Variants in NCKAP5 observed in about 807,000 individuals in gnomAD.
NCKAP5 encodes NCK associated protein 5.
NCKAP5 carries 92 observed loss-of-function variants against 167.0 expected under a neutral mutation model. The observed-to-expected ratio is 0.55, with a 90% CI of 0.47 to 0.66. NCKAP5 has a LOEUF of 0.66. NCKAP5 is among the 30% of genes least tolerant of loss of function. NCKAP5 has a pLI of 0.00. For synonymous variants in NCKAP5, 891 were observed against 877.4 expected (o/e 1.02, Z -0.27); for missense variants, 2,378 against 2,315.0 (o/e 1.03, Z -0.56).
At chr2:132,997,014 CT>C (rs1264426158) in intron 6 of NCKAP5, among the ~76,000 whole-genome samples, 1 of 152,222 alleles carries the variant, frequency 6.6e-6, no homozygotes. Context: ...TTGAAGAGAA[CT>C]GTGAAGAAAA....
At chr2:133,625,250 G>A in the NCKAP5 span, among the ~76,000 whole-genome samples, 76 of 152,312 alleles carry the variant, frequency 5.0e-4, no homozygotes, top group African/African-American at 1.7e-3. Context: ...AGTCCTGAAT[G>A]TGAATCAGAA....
intron 8 of NCKAP5, among the ~76,000 whole-genome samples, chr2:132,941,226 G>A (rs986820807): frequency 1.3e-5 from 2 of 152,168 alleles, no homozygotes; most frequent in Admixed American, 6.5e-5. Flanking sequence ...TGTATTCAGG[G>A]AAAGAAACAT....
chr2:133,361,535 A>G (rs1307370199), intron 3 of NCKAP5, among the ~76,000 whole-genome samples: 1 of 152,230 alleles, frequency 6.6e-6, no homozygotes, highest in African/African-American at 2.4e-5. Flanking sequence ...GAATACTGCC[A>G]TGTGGTCCAG....
intron 6 of NCKAP5, among the ~76,000 whole-genome samples, chr2:133,027,160 T>C (rs2078725581): frequency 6.6e-6 from 1 of 152,294 alleles, no homozygotes; most frequent in Admixed American, 6.5e-5. Flanking sequence ...CTGGTAACCA[T>C]TAATATGACT....
intron 3 of NCKAP5, among the ~76,000 whole-genome samples, chr2:133,310,400 A>T (rs1167708838): frequency 6.6e-6 from 1 of 152,226 alleles, no homozygotes; most frequent in African/African-American, 2.4e-5. Flanking sequence ...CTTCTAAGGC[A>T]GACTTTCTAG....
chr2:133,538,113 C>T (rs968558860), intron 2 of NCKAP5, among the ~76,000 whole-genome samples: 1 of 152,156 alleles, frequency 6.6e-6, no homozygotes, highest in Non-Finnish European at 1.5e-5. Context: ...AACCATTGCA[C>T]CATAAAGCCA....
At chr2:133,503,584 G>T (rs982541644) in intron 3 of NCKAP5, among the ~76,000 whole-genome samples, 2 of 152,154 alleles carry the variant, frequency 1.3e-5, no homozygotes, top group African/African-American at 4.8e-5. Context: ...AGTGATCTTT[G>T]GTTGGACCTT....
intron 11 of NCKAP5, among the ~76,000 whole-genome samples, chr2:132,814,954 G>T (rs1481650240): frequency 6.6e-6 from 1 of 152,194 alleles, no homozygotes; most frequent in Non-Finnish European, 1.5e-5. Flanking sequence ...TGTGAAGCAG[G>T]CACCCAGAAG....
chr2:133,252,967 A>C (rs1182513659), intron 4 of NCKAP5, among the ~76,000 whole-genome samples: 1 of 152,218 alleles, frequency 6.6e-6, no homozygotes, highest in Non-Finnish European at 1.5e-5. Context: ...AACTTGTGGC[A>C]CGTGAGGTGA....
intron 3 of NCKAP5, among the ~76,000 whole-genome samples, chr2:133,497,982 A>C (rs577221276): frequency 3.1e-4 from 47 of 152,298 alleles, no homozygotes; most frequent in African/African-American, 1.1e-3. Flanking sequence ...CGTATGTCTA[A>C]TATCTATTCA....
chr2:133,080,806 A>G (rs1262711129), intron 6 of NCKAP5, among the ~76,000 whole-genome samples: 1 of 152,192 alleles, frequency 6.6e-6, no homozygotes, highest in East Asian at 1.9e-4. Flanking sequence ...TGGCATTAGG[A>G]GTCGAGTACT....
the NCKAP5 span, among the ~76,000 whole-genome samples, chr2:133,616,879 T>G: frequency 2.0e-5 from 3 of 152,246 alleles, no homozygotes; most frequent in African/African-American, 7.2e-5. Context: ...ATATCCTTGA[T>G]GAACCTTGAT....
At chr2:132,909,687 C>T (rs1694290678) in intron 8 of NCKAP5, among the ~76,000 whole-genome samples, 1 of 152,162 alleles carries the variant, frequency 6.6e-6, no homozygotes, top group African/African-American at 2.4e-5. Flanking sequence ...GATAATTACT[C>T]CATCCTTCCC....
chr2:132,815,644 A>G (rs565208953), intron 11 of NCKAP5, among the ~76,000 whole-genome samples: 1 of 152,324 alleles, frequency 6.6e-6, no homozygotes, highest in South Asian at 2.1e-4. Flanking sequence ...CTTTAACTTG[A>G]ATGTACAAAA....
intron 6 of NCKAP5, among the ~76,000 whole-genome samples, chr2:133,032,592 T>C (rs114839846): frequency 0.063 from 9,537 of 152,180 alleles, 955 homozygotes; most frequent in African/African-American, 0.22. Flanking sequence ...CTGCTTATTG[T>C]AGAGCCCCAA....
chr2:132,672,832 A>T lies in NCKAP5; in HGVS notation c.*457T>A. 1 of 392,288 alleles carries T rather than the reference A, an allele frequency of 2.5e-6. No individual in the cohort carries two copies. Among genetic ancestry groups the T allele is most frequent in the Non-Finnish European group, 3.5e-6 (1 of 287,504 alleles). The allele number at this position is 392,288 out of a possible 1,614,324, so 24.3% of individuals were successfully genotyped here. A position where few individuals can be genotyped will look rare whatever the true frequency, so the allele number is the denominator to read the frequency against. ...TTTACGCTTAATCCTCTTGAAACACAATAAATGGAGTCTATCTTTATTGCC... is the reference window on the plus strand; with the variant it reads ...TTTACGCTTAATCCTCTTGAAACACTATAAATGGAGTCTATCTTTATTGCC... On this transcript the variant is annotated 3_prime_UTR_variant, in exon 20 of 20. Transcript: ENST00000409261.
chr2:133,201,219 G>A (rs758761082), intron 5 of NCKAP5, among the ~76,000 whole-genome samples: 11 of 152,114 alleles, frequency 7.2e-5, no homozygotes, highest in African/African-American at 9.7e-5. Flanking sequence ...GACTCACATC[G>A]TCAGACAGCA....
chr2:133,316,633 C>T (rs1314145030), intron 3 of NCKAP5, among the ~76,000 whole-genome samples: 2 of 152,166 alleles, frequency 1.3e-5, no homozygotes, highest in East Asian at 1.9e-4. Flanking sequence ...AACTGCATTT[C>T]TTACTTATGG....
intron 10 of NCKAP5, among the ~76,000 whole-genome samples, chr2:132,862,972 C>T (rs1029515924): frequency 4.6e-5 from 7 of 152,014 alleles, no homozygotes; most frequent in Admixed American, 2.6e-4. Flanking sequence ...CAGGCATGTG[C>T]CACCACGCCT....
Sources: allele counts gnomAD v4.1 joint callset (sites outside exome capture counted in the v4.1 genomes callset), GRCh38; gene constraint gnomAD v4.1.1; transcripts MANE v1.5; gene names NCBI Gene and HGNC (gene_info 2026-07-23, HGNC 2026-07-21).